Variants in SSUH2 observed in about 807,000 individuals in gnomAD.
The protein encoded by SSUH2 is ssu-2 homolog.
SSUH2 carries 47 observed loss-of-function variants against 55.3 expected under a neutral mutation model. The ratio of observed to expected loss-of-function variants is 0.85; its 90% confidence interval spans 0.67 to 1.08. The LOEUF (loss-of-function observed/expected upper bound fraction) is 1.08. Ranked by LOEUF, SSUH2 falls within the 50% of genes least tolerant of loss-of-function variation. SSUH2 has a pLI of 0.00. For synonymous variants in SSUH2, 212 were observed against 191.5 expected (o/e 1.11, Z -0.89); for missense variants, 535 against 490.7 (o/e 1.09, Z -0.85).
chr3:8,663,337 C>T (rs1212065991), intron 6 of SSUH2, among the ~76,000 whole-genome samples: 1 of 152,272 alleles, frequency 6.6e-6, no homozygotes, highest in African/African-American at 2.4e-5. Context: ...AATTCACCTA[C>T]CCCCTCCTGT....
At chr3:8,680,880 T>C (rs1705888461) in intron 1 of SSUH2, among the ~76,000 whole-genome samples, 1 of 151,998 alleles carries the variant, frequency 6.6e-6, no homozygotes, top group Admixed American at 6.5e-5. Flanking sequence ...GGGAGTAATA[T>C]CATCCTCTCC....
Position 8,619,712 on chromosome 3 carries a change from T to C in SSUH2, c.*156A>G, listed in dbSNP as rs1459179110. On this transcript the variant is annotated 3_prime_UTR_variant, in exon 12 of 12. Coordinates refer to ENST00000544814, the MANE Select transcript of SSUH2 (RefSeq NM_001256748.3). ...TCCACCAGAGGAGCTGTATAAGGGGTTGGAGCTTGATAGATGATAAGCTGG... is the reference window on the plus strand; with the variant it reads ...TCCACCAGAGGAGCTGTATAAGGGGCTGGAGCTTGATAGATGATAAGCTGG... The C allele has an allele frequency of 3.9e-6, 3 of 765,020 alleles. No individual in the cohort carries two copies. In the East Asian group the frequency reaches 8.1e-5, roughly 21 times the overall value. 47.4% of individuals were successfully genotyped at this position (765,020 alleles called of 1,614,324 possible). A position where few individuals can be genotyped will look rare whatever the true frequency, so the allele number is the denominator to read the frequency against.
intron 2 of SSUH2, among the ~76,000 whole-genome samples, chr3:8,678,807 GAGA>G (rs1559566408): frequency 9.0e-6 from 1 of 110,800 alleles, no homozygotes; most frequent in Non-Finnish European, 2.1e-5. Context: ...CCATCGCAGG[GAGA>G]GGAGGCGGCA....
At chr3:8,649,568 GCT>G (rs1702148473), upstream of SSUH2, among the ~76,000 whole-genome samples, 1 of 152,044 alleles carries the variant, frequency 6.6e-6, no homozygotes. Context: ...GACACCTCGA[GCT>G]CTCTCTGTGT....
intron 5 of SSUH2, among the ~76,000 whole-genome samples, chr3:8,666,451 T>A (rs965339695): frequency 1.3e-5 from 2 of 151,882 alleles, no homozygotes; most frequent in South Asian, 2.1e-4. Flanking sequence ...CCACAAGGGG[T>A]TTATGAAGGA....
chr3:8,662,271 C>T (rs1398069237), intron 6 of SSUH2, among the ~76,000 whole-genome samples: 1 of 152,172 alleles, frequency 6.6e-6, no homozygotes, highest in Non-Finnish European at 1.5e-5. Context: ...GGGGAATTGT[C>T]CTCTAACAAA....
chr3:8,633,865 C>A (rs778003039), intron 3 of SSUH2, 70 bp from the exon 4 acceptor site: 1 of 1,613,838 alleles, frequency 6.2e-7, no homozygotes, highest in South Asian at 1.1e-5. Context: ...GCCAGCCAGC[C>A]TCCTCAACGT....
intron 3 of SSUH2, among the ~76,000 whole-genome samples, chr3:8,677,053 G>C (rs1246035725): frequency 2.0e-5 from 3 of 149,036 alleles, no homozygotes; most frequent in African/African-American, 7.4e-5. Context: ...AGGAGGCGGG[G>C]ACTGCGAGCC....
intron 5 of SSUH2, among the ~76,000 whole-genome samples, chr3:8,668,587 A>T (rs1704214368): frequency 6.6e-6 from 1 of 152,224 alleles, no homozygotes; most frequent in African/African-American, 2.4e-5. Context: ...GCTTAGGAAC[A>T]GTTTCTTTTT....
chr3:8,648,734 C>T (rs1702028429), upstream of SSUH2, among the ~76,000 whole-genome samples: 3 of 152,276 alleles, frequency 2.0e-5, no homozygotes, highest in African/African-American at 7.2e-5. Flanking sequence ...TCTTGGAAGG[C>T]TCCCAAAACA....
At chr3:8,672,332 G>A (rs62244205) in intron 3 of SSUH2, among the ~76,000 whole-genome samples, 9,442 of 151,936 alleles carry the variant, frequency 0.062, 389 homozygotes, top group Non-Finnish European at 0.095. Context: ...ATCCTCCCCC[G>A]CCCTGCACAT....
intron 7 of SSUH2, among the ~76,000 whole-genome samples, chr3:8,654,707 C>G (rs1318745263): frequency 2.6e-5 from 4 of 152,108 alleles, no homozygotes; most frequent in African/African-American, 9.7e-5. Context: ...ACTCCAAGAT[C>G]ACAGTGTGTG....
chr3:8,669,509 G>A (rs954733186), intron 5 of SSUH2, among the ~76,000 whole-genome samples: 1 of 152,048 alleles, frequency 6.6e-6, no homozygotes, highest in Non-Finnish European at 1.5e-5. Flanking sequence ...CAAGATATAG[G>A]ATACTAAGAA....
intron 8 of SSUH2, chr3:8,626,946 C>A (rs1697713257): frequency 6.6e-6 from 1 of 152,172 alleles, no homozygotes; most frequent in African/African-American, 2.4e-5. Flanking sequence ...TTTGCCAAAG[C>A]CAATTTGAAT....
At chr3:8,676,777 C>A (rs1705338486) in intron 3 of SSUH2, among the ~76,000 whole-genome samples, 1 of 148,442 alleles carries the variant, frequency 6.7e-6, no homozygotes, top group South Asian at 2.1e-4. Flanking sequence ...CTCAGGACCT[C>A]ATCGCAGTGG....
rs1705773575 is a variant in SSUH2 at position 8,679,307 on chromosome 3, G to A, written c.-901+398C>T. On this transcript the variant is annotated intron_variant, in intron 2 of 18. Coordinates refer to the SSUH2 transcript ENST00000317371. ...GAGGGGGGGAGCCACCCCCCATGAG[G>A]CGGGGACTAAGAGCCAGCCCCTCTT... Among the ~76,000 whole-genome samples, 3 of 70,056 alleles carry A rather than the reference G, an allele frequency of 4.3e-5. 1 individual carries two copies. In the South Asian group the frequency reaches 1.7e-3, roughly 40 times the overall value. The allele number at this position is 70,056 out of a possible 152,430, so 46.0% of individuals were successfully genotyped here. A position where few individuals can be genotyped will look rare whatever the true frequency, so the allele number is the denominator to read the frequency against.
intron 1 of SSUH2, among the ~76,000 whole-genome samples, chr3:8,637,738 G>A (rs1700149879): frequency 1.3e-5 from 2 of 152,188 alleles, no homozygotes; most frequent in Admixed American, 1.3e-4. Context: ...TTCAAATAGT[G>A]CCTGTGAAAT....
chr3:8,649,232 G>T (rs555369513), upstream of SSUH2, among the ~76,000 whole-genome samples: 1 of 152,162 alleles, frequency 6.6e-6, no homozygotes, highest in Non-Finnish European at 1.5e-5. Context: ...AACGCTGCCT[G>T]CAACAGGAAC....
chr3:8,631,999 AC>A lies in SSUH2; in HGVS notation c.400+49del, dbSNP rs746159292. The A allele has an allele frequency of 1.6e-5, 23 of 1,455,844 alleles. No individual in the cohort carries two copies. The Admixed American group carries it at 3.8e-4, about 24-fold the overall frequency. The allele number at this position is 1,455,844 out of a possible 1,614,324, so 90.2% of individuals were successfully genotyped here. On this transcript the variant is annotated intron_variant, in intron 5 of 11. Transcript: ENST00000544814. ...CCAAGTCCTGATATTTTCCACCAGC[AC>A]CCTGACTTATTTGCCCCCAGTTAAA...
Sources: allele counts gnomAD v4.1 joint callset (sites outside exome capture counted in the v4.1 genomes callset), GRCh38; gene constraint gnomAD v4.1.1; transcripts MANE v1.5; gene names NCBI Gene and HGNC (gene_info 2026-07-23, HGNC 2026-07-21).